Variants in TANC1 observed in about 807,000 individuals in gnomAD.
TANC1 encodes protein TANC1.
Under a neutral mutation model 149.7 loss-of-function variants are expected in TANC1, and 77 were observed. The ratio of observed to expected loss-of-function variants is 0.51; its 90% CI spans 0.43 to 0.62. The LOEUF is 0.62. TANC1 is among the 20% of genes least tolerant of loss of function. The pLI, the probability that TANC1 is intolerant of heterozygous loss-of-function variation, is 0.00. For missense variants in TANC1, 1,985 were observed against 2,321.8 expected (o/e 0.85, Z 2.98); for synonymous variants, 854 against 925.0 (o/e 0.92, Z 1.39).
At chr2:159,152,218 A>T (rs2052894487) in intron 7 of TANC1, among the ~76,000 whole-genome samples, 1 of 152,040 alleles carries the variant, frequency 6.6e-6, no homozygotes, top group Non-Finnish European at 1.5e-5. Flanking sequence ...AGTTCAGCTA[A>T]TTTTTCCCAG....
At chr2:159,147,015 G>A (rs1021344906) in intron 5 of TANC1, among the ~76,000 whole-genome samples, 2 of 152,174 alleles carry the variant, frequency 1.3e-5, no homozygotes, top group African/African-American at 4.8e-5. Flanking sequence ...CTGTGCTGGG[G>A]TGTTGCGGTC....
At chr2:159,047,288 C>G (rs899530241) in intron 2 of TANC1, among the ~76,000 whole-genome samples, 1 of 151,878 alleles carries the variant, frequency 6.6e-6, no homozygotes, top group South Asian at 2.1e-4. Flanking sequence ...TACTTTCTAC[C>G]CTGTCACTCA....
At chr2:159,139,622 C>T (rs1400639633) in intron 5 of TANC1, among the ~76,000 whole-genome samples, 1 of 152,166 alleles carries the variant, frequency 6.6e-6, no homozygotes, top group Non-Finnish European at 1.5e-5. Flanking sequence ...GCTACTAGGG[C>T]AAGTTTTGAG....
chr2:159,082,076 C>A (rs932157149), intron 3 of TANC1, among the ~76,000 whole-genome samples: 1 of 152,286 alleles, frequency 6.6e-6, no homozygotes, highest in East Asian at 1.9e-4. Context: ...TCTGCCCCAT[C>A]TGGGGGTGCC....
intron 7 of TANC1, among the ~76,000 whole-genome samples, chr2:159,159,592 G>A (rs1404511455): frequency 2.0e-5 from 3 of 152,080 alleles, no homozygotes; most frequent in African/African-American, 7.2e-5. Context: ...CTCCTTTTAT[G>A]TAATGAGCAC....
intron 1 of TANC1, among the ~76,000 whole-genome samples, chr2:158,984,100 A>G (rs1307112878): frequency 2.0e-5 from 3 of 152,196 alleles, no homozygotes; most frequent in Admixed American, 6.5e-5. Flanking sequence ...TCTCAGAATG[A>G]ACTTGATTCC....
At chr2:159,069,227 C>T (rs67586342) in intron 3 of TANC1, among the ~76,000 whole-genome samples, 36,862 of 152,038 alleles carry the variant, frequency 0.24, 5,879 homozygotes, top group Non-Finnish European at 0.37. Context: ...AAAACTTTAC[C>T]ATGTTTTTTT....
intron 10 of TANC1, 82 bp downstream of exon 10, chr2:159,170,887 C>A (rs1000560507): frequency 1.0e-5 from 15 of 1,475,964 alleles, no homozygotes; most frequent in Non-Finnish European, 1.4e-5. Flanking sequence ...ACATAAAATA[C>A]CAATTTTCCT....
chr2:159,136,481 C>A (rs1214009332), intron 5 of TANC1, among the ~76,000 whole-genome samples, 183 bp downstream of exon 5: 1 of 152,112 alleles, frequency 6.6e-6, no homozygotes, highest in Non-Finnish European at 1.5e-5. Context: ...AAATTGTATA[C>A]CTGGCGTATA....
intron 2 of TANC1, among the ~76,000 whole-genome samples, chr2:159,038,631 C>CCAAAGACAAAAACCACA (rs2040391395): frequency 6.6e-6 from 1 of 152,054 alleles, no homozygotes; most frequent in Non-Finnish European, 1.5e-5. Flanking sequence ...GTCTTTGGTT[C>CCAAAGACAAAAACCACA]TGTTTATGTG....
chr2:159,117,241 T>G (rs1248956318), intron 4 of TANC1, among the ~76,000 whole-genome samples: 2 of 152,222 alleles, frequency 1.3e-5, no homozygotes, highest in African/African-American at 2.4e-5. Context: ...TAATAAAATT[T>G]AAATTCAGAA....
chr2:159,004,396 C>A lies in TANC1; in HGVS notation c.-16+3207C>A, dbSNP rs925925300. ...ATGTGGTTCCAAAGTTTTACAGACA[C>A]AGAGAACATCACCTGTTACTAGTTC... On this transcript the variant is annotated intron_variant, in intron 2 of 26. Coordinates refer to ENST00000263635, the MANE Select transcript of TANC1 (RefSeq NM_033394.3). The A allele has an allele frequency of 1.0e-5, 11 of 1,071,882 alleles. No homozygotes were observed. In the African/African-American group the frequency reaches 1.4e-4, roughly 14 times the overall value. 66.4% of individuals were successfully genotyped at this position (1,071,882 alleles called of 1,614,324 possible). A position where few individuals can be genotyped will look rare whatever the true frequency, so the allele number is the denominator to read the frequency against.
intron 2 of TANC1, among the ~76,000 whole-genome samples, chr2:159,059,888 T>TGTGTGTGTGTG: frequency 8.7e-6 from 1 of 114,818 alleles, no homozygotes; most frequent in East Asian, 2.5e-4. Flanking sequence ...GCAGACCTCT[T>TGTGTGTGTGTG]TGTGTGTGTG....
At chr2:159,225,528 A>G in intron 23 of TANC1, 160 bp from the exon 24 acceptor site, 2 of 633,706 alleles carry the variant, frequency 3.2e-6, no homozygotes, top group Non-Finnish European at 2.8e-6. Context: ...GGAAAGGATT[A>G]GCAACAGCCT....
intron 19 of TANC1, among the ~76,000 whole-genome samples, chr2:159,212,914 C>T (rs1039737474): frequency 1.2e-4 from 9 of 77,826 alleles, no homozygotes; most frequent in Admixed American, 3.6e-4. Context: ...GGCGAGACAC[C>T]GTCTCAAAAA....
At chr2:159,089,734 G>A (rs1209873018) in intron 3 of TANC1, among the ~76,000 whole-genome samples, 1 of 152,212 alleles carries the variant, frequency 6.6e-6, no homozygotes, top group African/African-American at 2.4e-5. Context: ...AGCTGACCCA[G>A]AGCCCATCAA....
intron 3 of TANC1, among the ~76,000 whole-genome samples, chr2:159,085,874 C>T (rs1309170264): frequency 6.6e-6 from 1 of 152,224 alleles, no homozygotes; most frequent in Non-Finnish European, 1.5e-5. Context: ...CAAACTCTAT[C>T]AGGCATACAC....
chr2:159,024,709 C>T (rs1016433562), intron 2 of TANC1, among the ~76,000 whole-genome samples: 3 of 151,858 alleles, frequency 2.0e-5, no homozygotes, highest in Non-Finnish European at 2.9e-5. Flanking sequence ...CAAGATTGCA[C>T]CACTGCACTC....
At chr2:158,994,221 A>C (rs1470791060) in intron 1 of TANC1, among the ~76,000 whole-genome samples, 1 of 152,194 alleles carries the variant, frequency 6.6e-6, no homozygotes, top group Non-Finnish European at 1.5e-5. Context: ...GGTGGTGCGT[A>C]GGAGCAGAGA....
Sources: allele counts gnomAD v4.1 joint callset (sites outside exome capture counted in the v4.1 genomes callset), GRCh38; gene constraint gnomAD v4.1.1; transcripts MANE v1.5; gene names NCBI Gene and HGNC (gene_info 2026-07-23, HGNC 2026-07-21).